Variants in MLIP observed in about 807,000 individuals in gnomAD.
MLIP encodes the protein muscular LMNA-interacting protein.
Under a neutral mutation model 84.8 loss-of-function variants are expected in MLIP, and 79 were observed. That is an observed-to-expected ratio of 0.93 (90% CI 0.78 to 1.12). The LOEUF is 1.12. Among genes scored for constraint, MLIP ranks in the 50% most tolerant of loss-of-function variants. The pLI, the probability that MLIP is intolerant of heterozygous loss-of-function variation, is 0.00. For missense variants in MLIP, 1,257 were observed against 1,160.6 expected (o/e 1.08, Z -1.21); for synonymous variants, 504 against 463.0 (o/e 1.09, Z -1.14).
intron 5 of MLIP, among the ~76,000 whole-genome samples, chr6:54,158,184 T>C (rs1241594874): frequency 1.3e-5 from 2 of 152,030 alleles, no homozygotes; most frequent in East Asian, 1.9e-4. Context: ...ATGGATTCCA[T>C]GGTTTCACAG....
At chr6:54,191,363 A>T (rs1475570574) in intron 10 of MLIP, among the ~76,000 whole-genome samples, 1 of 152,190 alleles carries the variant, frequency 6.6e-6, no homozygotes, top group African/African-American at 2.4e-5. Context: ...AAATAGCTTG[A>T]TTCAATCAAT....
chr6:54,240,127 A>G (rs945893249), intron 12 of MLIP, among the ~76,000 whole-genome samples: 1 of 152,234 alleles, frequency 6.6e-6, no homozygotes, highest in African/African-American at 2.4e-5. Flanking sequence ...CTGTGAAGTG[A>G]CAAACAACAA....
At chr6:54,180,725 G>A (rs1378945458) in intron 9 of MLIP, among the ~76,000 whole-genome samples, 1 of 152,002 alleles carries the variant, frequency 6.6e-6, no homozygotes, top group Non-Finnish European at 1.5e-5. Context: ...TTATCTAATG[G>A]AATTCTAAAT....
intron 5 of MLIP, among the ~76,000 whole-genome samples, chr6:54,155,061 G>A (rs1343886999): frequency 6.6e-6 from 1 of 152,012 alleles, no homozygotes; most frequent in African/African-American, 2.4e-5. Context: ...CAAAGCTCTT[G>A]GGAGTAAAAT....
chr6:54,139,625 A>G (rs1176482030), intron 4 of MLIP, among the ~76,000 whole-genome samples: 1 of 152,162 alleles, frequency 6.6e-6, no homozygotes, highest in African/African-American at 2.4e-5. Flanking sequence ...AATGGATTAC[A>G]TCAGTTAAGT....
At position 54,030,860 on chromosome 6, in the gene MLIP, C is replaced by T. The variant is rs150889122; in HGVS notation, c.63+11769C>T. 2.0e-5 allele frequency among the ~76,000 whole-genome samples: 3 copies of T among 151,952 alleles called. No homozygotes were observed. In the East Asian group the frequency reaches 5.8e-4, roughly 29 times the overall value. ...CATTTATATGAAGCAAAGAAATATA[C>T]AAATATTTAGTTTAATGATGTTTAT... On this transcript the variant is annotated intron_variant, in intron 1 of 12. Transcript: ENST00000274897.
rs1378814969 is a variant in MLIP at position 54,265,948 on chromosome 6, A to T, written c.2977-2A>T. 1 of 1,611,564 alleles carries T rather than the reference A, an allele frequency of 6.2e-7. No homozygotes were observed. Among genetic ancestry groups the T allele is most frequent in the African/African-American group, 1.3e-5 (1 of 74,934 alleles). ...TGACTACCATATTCTCTTATTTTAC[A>T]GCAATGAAGTTGGAGCAGAGGCTGA... On this transcript the variant is annotated splice_acceptor_variant, in intron 13 of 13. Transcript: ENST00000502396. LOFTEE classifies it high-confidence loss of function.
rs1783671166 is a variant in MLIP at position 54,266,164 on chromosome 6, G to C, written c.*209G>C. The C allele has an allele frequency of 1.7e-6, 1 of 581,318 alleles. No individual in the cohort carries two copies. The highest frequency in any genetic ancestry group is 1.9e-5 in the African/African-American group (1 of 53,044). 36.0% of individuals were successfully genotyped at this position (581,318 alleles called of 1,614,324 possible). ...CCAGCATAGAAGAGATTTACCTACA[G>C]CTTTTTGCACCACTGTTCTAGCCTT... On this transcript the variant is annotated 3_prime_UTR_variant, in exon 14 of 14. Transcript: ENST00000502396.
At chr6:54,211,525 G>C (rs1779450270) in intron 11 of MLIP, among the ~76,000 whole-genome samples, 1 of 152,186 alleles carries the variant, frequency 6.6e-6, no homozygotes, top group African/African-American at 2.4e-5. Context: ...ATCTAGGGCA[G>C]CTTGGTTTTA....
chr6:54,081,392 TA>T (rs1184303072), intron 1 of MLIP, among the ~76,000 whole-genome samples: 8 of 98,462 alleles, frequency 8.1e-5, no homozygotes, highest in Admixed American at 9.1e-5. Context: ...GGGGTCCACA[TA>T]TTTTTTTTTT....
chr6:54,215,349 A>G, intron 11 of MLIP: 1 of 1,310,922 alleles, frequency 7.6e-7, no homozygotes. Context: ...ACTGAACTTC[A>G]ATTTTATCCT....
At chr6:54,260,806 T>C (rs555342310) in intron 13 of MLIP, among the ~76,000 whole-genome samples, 7 of 152,008 alleles carry the variant, frequency 4.6e-5, no homozygotes, top group African/African-American at 1.4e-4. Context: ...TGCCTTGACA[T>C]TCCATACAAG....
intron 1 of MLIP, among the ~76,000 whole-genome samples, chr6:54,085,307 T>G (rs1475462299): frequency 6.6e-6 from 1 of 152,178 alleles, no homozygotes; most frequent in Non-Finnish European, 1.5e-5. Context: ...GAAAGACCTG[T>G]GCCTGAGTGC....
intron 3 of MLIP, among the ~76,000 whole-genome samples, chr6:54,135,335 C>A (rs1009219667): frequency 6.6e-6 from 1 of 152,008 alleles, no homozygotes; most frequent in Non-Finnish European, 1.5e-5. Context: ...ATTTATGTAG[C>A]AAGAATTCTT....
chr6:54,205,783 AC>A (rs1028176703), intron 11 of MLIP, among the ~76,000 whole-genome samples: 1 of 152,220 alleles, frequency 6.6e-6, no homozygotes, highest in African/African-American at 2.4e-5. Flanking sequence ...TTTTAAAAAA[AC>A]GAAACCTTCA....
chr6:54,215,078 A>T, intron 11 of MLIP: 5 of 1,286,258 alleles, frequency 3.9e-6, no homozygotes, highest in Admixed American at 2.1e-5. Context: ...TTTTGCTCCT[A>T]TTTGTAACCT....
At chr6:54,104,406 G>A (rs1478302943) in intron 1 of MLIP, among the ~76,000 whole-genome samples, 1 of 152,158 alleles carries the variant, frequency 6.6e-6, no homozygotes, top group African/African-American at 2.4e-5. Flanking sequence ...CTCTGAACAT[G>A]TTTTATTAAA....
In MLIP at chr6:54,176,251, G is replaced by A. The variant is rs192985699; in HGVS notation, c.2544+6679G>A. On this transcript the variant is annotated intron_variant, in intron 9 of 13. Transcript: ENST00000502396. ...TAATACTGGTCTCATTATAGAATGA[G>A]ATTTGTAGTATTCCCTTCTCCTTTG... Among the ~76,000 whole-genome samples the A allele has an allele frequency of 5.9e-4, 89 of 151,552 alleles. 1 individual carries two copies. The highest frequency in any genetic ancestry group is 2.0e-3 in the African/African-American group (83 of 41,442).
At chr6:54,032,665 T>C (rs1338438328) in intron 1 of MLIP, among the ~76,000 whole-genome samples, 1 of 152,198 alleles carries the variant, frequency 6.6e-6, no homozygotes, top group Non-Finnish European at 1.5e-5. Flanking sequence ...GAGATCCTCC[T>C]GCCTCAGCCT....
Sources: allele counts gnomAD v4.1 joint callset (sites outside exome capture counted in the v4.1 genomes callset), GRCh38; gene constraint gnomAD v4.1.1; transcripts MANE v1.5; gene names NCBI Gene and HGNC (gene_info 2026-07-23, HGNC 2026-07-21).